Variants in SACM1L observed in about 807,000 individuals in gnomAD.
SACM1L encodes the protein SAC1 like phosphatidylinositide phosphatase, also known as phosphatidylinositol-3-phosphatase SAC1.
A neutral mutation model predicts 89.5 loss-of-function variants in SACM1L; 32 were observed. The ratio of observed to expected loss-of-function variants is 0.36; its 90% CI spans 0.27 to 0.48. The LOEUF (loss-of-function observed/expected upper bound fraction) is 0.48. Ranked by LOEUF, SACM1L falls within the 20% of genes least tolerant of loss-of-function variation. The probability of loss-of-function intolerance (pLI) is 0.99; values close to 1 mark genes in which losing one functional copy is unlikely to be tolerated. For synonymous variants in SACM1L, 213 were observed against 232.8 expected, an observed-to-expected ratio of 0.92 and a Z score of 0.77; for missense variants, 543 against 708.5, an observed-to-expected ratio of 0.77 and a Z score of 2.65.
intron 2 of SACM1L, among the ~76,000 whole-genome samples, chr3:45,703,902 A>G (rs1698329396): frequency 6.6e-6 from 1 of 152,182 alleles, no homozygotes; most frequent in African/African-American, 2.4e-5. Flanking sequence ...TTCAGCTTTA[A>G]GAGTATGGAA....
At chr3:45,693,952 T>C (rs1698063061) in intron 1 of SACM1L, among the ~76,000 whole-genome samples, 1 of 152,334 alleles carries the variant, frequency 6.6e-6, no homozygotes, top group South Asian at 2.1e-4. Flanking sequence ...ATAATTAGAC[T>C]GGAAATGTAA....
chr3:45,721,966 A>C, intron 8 of SACM1L, 34 bp from the exon 9 acceptor site: 1 of 1,393,358 alleles, frequency 7.2e-7, no homozygotes, highest in Non-Finnish European at 1.0e-6. Flanking sequence ...TTGTGTAATC[A>C]GTATAGTTAA....
In SACM1L at chr3:45,743,789, T is replaced by A; in HGVS notation, c.*120T>A. 1 of 1,005,738 alleles carries A rather than the reference T, an allele frequency of 9.9e-7. No individual in the cohort carries two copies. Among genetic ancestry groups the A allele is most frequent in the Non-Finnish European group, 1.4e-6 (1 of 696,082 alleles). 62.3% of individuals were successfully genotyped at this position (1,005,738 alleles called of 1,614,324 possible). ...TTTAATGCCTTTATCCAAAAGCACATCTTGTGCTCCATGCAGGATGATGAC... is the reference window on the plus strand; with the variant it reads ...TTTAATGCCTTTATCCAAAAGCACAACTTGTGCTCCATGCAGGATGATGAC... On this transcript the variant is annotated 3_prime_UTR_variant, in exon 20 of 20. Transcript: ENST00000389061.
chr3:45,732,088 A>C lies in SACM1L; in HGVS notation c.1037A>C (p.Asn346Thr). Residue 346 changes from asparagine to threonine, a missense_variant, in exon 13 of 20, where the codon AAT becomes ACT. This residue lies in a region of SACM1L where 370 missense variants were observed against 527.6 expected (regional missense o/e 0.70). Coordinates refer to ENST00000389061, the MANE Select transcript of SACM1L (RefSeq NM_014016.5). ...IAFDFHKECK[N>T]MRWDRLSILL... ...TTTGACTTCCATAAGGAATGTAAAAATATGAGATGGGATCGACTAAGTATT... is the reference window on the plus strand; with the variant it reads ...TTTGACTTCCATAAGGAATGTAAAACTATGAGATGGGATCGACTAAGTATT... 1 of 1,603,614 alleles carries C rather than the reference A, an allele frequency of 6.2e-7. No individual in the cohort carries two copies. Among genetic ancestry groups the C allele is most frequent in the Non-Finnish European group, 8.5e-7 (1 of 1,176,670 alleles).
At chr3:45,715,005 T>G (rs1575397317) in intron 7 of SACM1L, among the ~76,000 whole-genome samples, 2 of 152,360 alleles carry the variant, frequency 1.3e-5, no homozygotes, top group African/African-American at 4.8e-5. Flanking sequence ...CAAATACCAT[T>G]GTGTTACAGT....
intron 1 of SACM1L, among the ~76,000 whole-genome samples, chr3:45,691,283 A>T (rs916751665): frequency 5.3e-5 from 8 of 152,212 alleles, no homozygotes; most frequent in Admixed American, 5.2e-4. Context: ...GTGAAGGTAC[A>T]ACTTTTTTGC....
intron 11 of SACM1L, among the ~76,000 whole-genome samples, chr3:45,727,153 G>C: frequency 4.6e-5 from 1 of 21,750 alleles, no homozygotes; most frequent in Non-Finnish European, 1.3e-4. Flanking sequence ...CCAAAGTGCT[G>C]GGATTACAGG....
intron 1 of SACM1L, among the ~76,000 whole-genome samples, chr3:45,692,506 A>G (rs1336317290): frequency 1.3e-5 from 2 of 151,882 alleles, no homozygotes; most frequent in South Asian, 2.1e-4. Flanking sequence ...TCTGTTTTTC[A>G]GTTTCGCCAT....
At position 45,737,812 on chromosome 3, in the gene SACM1L, G is replaced by A. The variant is rs147325533; in HGVS notation, c.1350G>A (p.Ala450=). The change falls in exon 16 of 20, where the codon GCG becomes GCA. Residue 450 remains alanine, a synonymous_variant. Coordinates refer to ENST00000389061, the MANE Select transcript of SACM1L (RefSeq NM_014016.5). ...CAAATGCTTGTGCCAAGCAATATGC[G>A]GGAACTGGTGCCTTGAAGACTGACT... ...DNANACAKQY[A]GTGALKTDFT... 362 of 1,613,930 alleles carry A rather than the reference G, an allele frequency of 2.2e-4. 3 individuals carry two copies. The highest frequency in any genetic ancestry group is 2.9e-4 in the Non-Finnish European group (341 of 1,179,990).
chr3:45,725,005 G>T (rs1465667097), intron 11 of SACM1L, among the ~76,000 whole-genome samples: 2 of 152,104 alleles, frequency 1.3e-5, no homozygotes, highest in African/African-American at 4.8e-5. Context: ...TATATATAAG[G>T]TCTTATTTTG....
chr3:45,719,262 TAAATAA>T (rs1254467911), intron 7 of SACM1L, among the ~76,000 whole-genome samples: 1 of 152,192 alleles, frequency 6.6e-6, no homozygotes, highest in Non-Finnish European at 1.5e-5. Flanking sequence ...GCATATCATT[TAAATAA>T]AAACACCATA....
chr3:45,707,774 G>A lies in SACM1L; in HGVS notation c.333+867G>A, dbSNP rs142078838. 2.6e-4 allele frequency among the ~76,000 whole-genome samples: 40 copies of A among 152,346 alleles called. No individual in the cohort carries two copies. The East Asian group carries it at 6.6e-3, about 25-fold the overall frequency. On this transcript the variant is annotated intron_variant, in intron 4 of 19. Coordinates refer to ENST00000389061, the MANE Select transcript of SACM1L (RefSeq NM_014016.5). ...ACATTGAAAGTGCAAAGGATAAAAT[G>A]TCAGAAGTTGGTTTAGACTTAGGAA...
chr3:45,743,147 ATTAAAC>A (rs1305138567), intron 19 of SACM1L, among the ~76,000 whole-genome samples: 1 of 152,206 alleles, frequency 6.6e-6, no homozygotes, highest in African/African-American at 2.4e-5. Flanking sequence ...AGAACTATGA[ATTAAAC>A]TTAATAGTTA....
intron 13 of SACM1L, among the ~76,000 whole-genome samples, chr3:45,733,717 T>C (rs1699127816): frequency 6.6e-6 from 1 of 152,258 alleles, no homozygotes; most frequent in African/African-American, 2.4e-5. Flanking sequence ...CTGTGTTCCA[T>C]ACACTGTGCT....
intron 1 of SACM1L, among the ~76,000 whole-genome samples, chr3:45,692,975 T>C (rs547499076): frequency 3.3e-5 from 5 of 152,342 alleles, no homozygotes; most frequent in African/African-American, 1.2e-4. Context: ...GTTAGGCAAC[T>C]TCTTTGTACA....
rs1331922126 is a variant in SACM1L at position 45,744,906 on chromosome 3, GT to G, written c.*1244del. ...AGTGTTGTGCTTGAAAATATGTACAGTTTTTTTCCAATATTAATACCTTATG... is the reference window on the plus strand; with the variant it reads ...AGTGTTGTGCTTGAAAATATGTACAGTTTTTTCCAATATTAATACCTTATG... On this transcript the variant is annotated 3_prime_UTR_variant, in exon 20 of 20. Transcript: ENST00000389061. The G allele has an allele frequency of 5.3e-5, 8 of 152,218 alleles. No homozygotes were observed. Among genetic ancestry groups the G allele is most frequent in the Non-Finnish European group, 8.8e-5 (6 of 68,010 alleles). The allele number at this position is 152,218 out of a possible 1,614,324, so 9.4% of individuals were successfully genotyped here.
intron 7 of SACM1L, 90 bp from the exon 8 acceptor site, chr3:45,719,410 A>G: frequency 1.5e-6 from 1 of 664,136 alleles, no homozygotes; most frequent in Admixed American, 3.3e-5. Flanking sequence ...TTTCTCTTAA[A>G]GACCATCATT....
intron 1 of SACM1L, among the ~76,000 whole-genome samples, chr3:45,702,105 T>A (rs1419340021): frequency 2.0e-5 from 3 of 152,122 alleles, no homozygotes; most frequent in African/African-American, 7.2e-5. Flanking sequence ...ACTTAGCATA[T>A]CCCCCCAAAT....
chr3:45,736,114 C>T (rs1699192421), intron 14 of SACM1L, among the ~76,000 whole-genome samples: 1 of 152,198 alleles, frequency 6.6e-6, no homozygotes, highest in Non-Finnish European at 1.5e-5. Flanking sequence ...AAGCAGTCTA[C>T]CTGCCTCAGC....
Sources: allele counts gnomAD v4.1 joint callset (sites outside exome capture counted in the v4.1 genomes callset), GRCh38; gene constraint gnomAD v4.1.1; regional missense constraint gnomAD v4.1.1; transcripts MANE v1.5; gene names NCBI Gene and HGNC (gene_info 2026-07-23, HGNC 2026-07-21).